The following SPOCK3 variants were observed in gnomAD, a reference collection of about 807,000 sequenced individuals.
SPOCK3 encodes the protein SPARC (osteonectin), cwcv and kazal like domains proteoglycan 3.
In SPOCK3, 30 loss-of-function variants were observed where a neutral mutation model predicts 56.6. The observed-to-expected ratio is 0.53, with a 90% CI of 0.40 to 0.72. SPOCK3 has a LOEUF of 0.72. Ranked by LOEUF, SPOCK3 falls within the 30% of genes least tolerant of loss-of-function variation. The pLI is 0.00. For synonymous variants in SPOCK3, 196 were observed against 183.3 expected, an observed-to-expected ratio of 1.07 and a Z score of -0.56; for missense variants, 527 against 530.0, an observed-to-expected ratio of 0.99 and a Z score of 0.06.
chr4:166,890,602 A>C (rs1318678684), intron 5 of SPOCK3, among the ~76,000 whole-genome samples: 1 of 151,996 alleles, frequency 6.6e-6, no homozygotes, highest in Non-Finnish European at 1.5e-5. Flanking sequence ...TTTTAAGCCT[A>C]AGTATTTTTC....
At chr4:166,886,979 G>A (rs4349627) in intron 6 of SPOCK3, among the ~76,000 whole-genome samples, 44,829 of 151,974 alleles carry the variant, frequency 0.29, 8,161 homozygotes, top group East Asian at 0.67. Flanking sequence ...TGTCAGAGGA[G>A]GATTAGTTTA....
intron 3 of SPOCK3, among the ~76,000 whole-genome samples, chr4:167,060,839 C>A (rs1272936352): frequency 2.6e-5 from 4 of 151,972 alleles, no homozygotes; most frequent in African/African-American, 4.8e-5. Context: ...ATAACCTGAG[C>A]AGGAGCTTAA....
chr4:166,763,460 T>C (rs1350947752), intron 7 of SPOCK3, among the ~76,000 whole-genome samples: 3 of 152,116 alleles, frequency 2.0e-5, no homozygotes, highest in South Asian at 4.1e-4. Flanking sequence ...GATGGAAATC[T>C]GGATCTACAT....
chr4:167,113,116 T>C (rs533096697), intron 2 of SPOCK3, among the ~76,000 whole-genome samples: 1 of 152,238 alleles, frequency 6.6e-6, no homozygotes, highest in East Asian at 1.9e-4. Flanking sequence ...CCAATTGTTG[T>C]AGTATGAAAA....
At chr4:167,065,528 T>C (rs1756043112) in intron 2 of SPOCK3, among the ~76,000 whole-genome samples, 1 of 151,842 alleles carries the variant, frequency 6.6e-6, no homozygotes, top group African/African-American at 2.4e-5. Flanking sequence ...TTGGTTTTCC[T>C]GGTTATGTCA....
At chr4:167,042,247 C>T (rs1753294593) in intron 3 of SPOCK3, among the ~76,000 whole-genome samples, 1 of 152,094 alleles carries the variant, frequency 6.6e-6, no homozygotes, top group Admixed American at 6.6e-5. Flanking sequence ...GGGATTCAAC[C>T]CATATGCAGG....
chr4:166,926,417 A>T (rs1172173284), intron 4 of SPOCK3, among the ~76,000 whole-genome samples: 1 of 152,048 alleles, frequency 6.6e-6, no homozygotes, highest in Non-Finnish European at 1.5e-5. Context: ...ACATGTTTTT[A>T]AGAGAAAATG....
chr4:167,208,251 T>C (rs1472331715), intron 2 of SPOCK3, among the ~76,000 whole-genome samples: 2 of 152,146 alleles, frequency 1.3e-5, no homozygotes, highest in African/African-American at 2.4e-5. Context: ...ATTTATTGAA[T>C]GATAAGTAAA....
chr4:166,772,305 T>A (rs1323305896), intron 7 of SPOCK3, among the ~76,000 whole-genome samples: 1 of 152,112 alleles, frequency 6.6e-6, no homozygotes, highest in Non-Finnish European at 1.5e-5. Flanking sequence ...TCTGCTGTAT[T>A]TCCAAAAATG....
In SPOCK3 at chr4:166,774,761, T is replaced by A. The variant is rs1739343270; in HGVS notation, c.709+17409A>T. Among the ~76,000 whole-genome samples the A allele has an allele frequency of 2.0e-5, 3 of 152,108 alleles. No individual in the cohort carries two copies. The South Asian group carries it at 6.2e-4, about 32-fold the overall frequency. ...AGCTGTCTGAGTGGTTCTGTTGAAATCCCTCTCACAATTTGAAGTGTAAGC... is the reference window on the plus strand; with the variant it reads ...AGCTGTCTGAGTGGTTCTGTTGAAAACCCTCTCACAATTTGAAGTGTAAGC... On this transcript the variant is annotated intron_variant, in intron 7 of 10. Transcript: ENST00000357545.
chr4:167,032,472 A>G (rs1752366406), intron 3 of SPOCK3, among the ~76,000 whole-genome samples: 1 of 151,910 alleles, frequency 6.6e-6, no homozygotes, highest in Admixed American at 6.6e-5. Context: ...ACAGATTACA[A>G]TAGTGTCAAA....
intron 6 of SPOCK3, among the ~76,000 whole-genome samples, chr4:166,834,428 C>T (rs936811389): frequency 6.6e-6 from 1 of 152,174 alleles, no homozygotes; most frequent in Admixed American, 6.5e-5. Context: ...GGCTTTGCCA[C>T]CACTGCTCTC....
intron 4 of SPOCK3, among the ~76,000 whole-genome samples, chr4:166,982,599 G>A (rs910315702): frequency 8.5e-5 from 13 of 152,148 alleles, no homozygotes; most frequent in African/African-American, 2.9e-4. Context: ...TCCTATAGGT[G>A]AAAATAACAT....
intron 5 of SPOCK3, among the ~76,000 whole-genome samples, 169 bp downstream of exon 5, chr4:166,912,451 G>GA (rs138544104): frequency 0.081 from 12,276 of 152,072 alleles, 558 homozygotes; most frequent in Non-Finnish European, 0.1. Context: ...TTCTGATATA[G>GA]AAAAAACAAA....
intron 3 of SPOCK3, among the ~76,000 whole-genome samples, chr4:167,025,722 C>T (rs563960484): frequency 6.6e-6 from 1 of 152,022 alleles, no homozygotes; most frequent in Admixed American, 6.6e-5. Flanking sequence ...TTATAGTTAC[C>T]TCTTTAATCA....
intron 2 of SPOCK3, among the ~76,000 whole-genome samples, chr4:167,123,532 T>C (rs953558798): frequency 2.0e-5 from 3 of 152,016 alleles, no homozygotes; most frequent in African/African-American, 7.2e-5. Flanking sequence ...GATTCAGTCA[T>C]AGTTTACAAT....
chr4:166,930,458 A>G (rs77232612), intron 4 of SPOCK3, among the ~76,000 whole-genome samples: 20 of 150,532 alleles, frequency 1.3e-4, no homozygotes, highest in South Asian at 4.2e-4. Flanking sequence ...TATGAAACTG[A>G]CATAAATCCT....
At chr4:167,230,962 A>T (rs1737116056) in intron 2 of SPOCK3, among the ~76,000 whole-genome samples, 4 of 152,072 alleles carry the variant, frequency 2.6e-5, no homozygotes, top group Non-Finnish European at 5.9e-5. Flanking sequence ...ATACCTATTC[A>T]CTGTAAGCTT....
intron 2 of SPOCK3, among the ~76,000 whole-genome samples, chr4:167,122,168 CTT>C (rs761385186): frequency 7.4e-5 from 11 of 148,934 alleles, no homozygotes; most frequent in Non-Finnish European, 1.5e-4. Flanking sequence ...CTCTCTCTCT[CTT>C]TCTCTCTCTT....
Sources: allele counts gnomAD v4.1 joint callset (sites outside exome capture counted in the v4.1 genomes callset), GRCh38; gene constraint gnomAD v4.1.1; transcripts MANE v1.5; gene names NCBI Gene and HGNC (gene_info 2026-07-23, HGNC 2026-07-21).